GALK2: variants seen among roughly 807,000 people sequenced by gnomAD.
The protein encoded by GALK2 is N-acetylgalactosamine kinase.
GALK2 carries 36 observed loss-of-function variants against 52.4 expected under a neutral mutation model. That is an observed-to-expected ratio of 0.69 (90% confidence interval 0.53 to 0.91). GALK2 has a LOEUF of 0.91. GALK2 is among the 40% of genes least tolerant of loss of function. The pLI, the probability that GALK2 is intolerant of heterozygous loss-of-function variation, is 0.00. For missense variants in GALK2, 579 were observed against 559.1 expected (o/e 1.04, Z -0.36); for synonymous variants, 176 against 199.1 (o/e 0.88, Z 0.98).
At chr15:49,164,371 A>G (rs2084749910) in intron 1 of GALK2, among the ~76,000 whole-genome samples, 1 of 152,130 alleles carries the variant, frequency 6.6e-6, no homozygotes, top group African/African-American at 2.4e-5. Flanking sequence ...TGCTTAAGAT[A>G]ATAACCACAA....
chr15:49,158,409 G>T (rs2084530122), intron 1 of GALK2, among the ~76,000 whole-genome samples: 1 of 152,144 alleles, frequency 6.6e-6, no homozygotes, highest in Non-Finnish European at 1.5e-5. Flanking sequence ...TACAATAATT[G>T]TTTTAAGAAA....
intron 1 of GALK2, among the ~76,000 whole-genome samples, chr15:49,163,882 T>C (rs1416051856): frequency 6.6e-6 from 1 of 152,212 alleles, no homozygotes; most frequent in Admixed American, 6.5e-5. Context: ...GGCTGAGTCA[T>C]ACCAAACAGG....
chr15:49,255,554 A>G (rs1251811909), intron 5 of GALK2, among the ~76,000 whole-genome samples: 3 of 143,998 alleles, frequency 2.1e-5, no homozygotes, highest in Admixed American at 7.0e-5. Context: ...TTTTTGCCCC[A>G]AGAATACTGT....
intron 1 of GALK2, among the ~76,000 whole-genome samples, chr15:49,175,081 G>A (rs2085349406): frequency 6.6e-6 from 1 of 152,154 alleles, no homozygotes; most frequent in Admixed American, 6.5e-5. Context: ...TTTATGAGGG[G>A]AGCCAAGCAC....
intron 1 of GALK2, chr15:49,185,774 C>G (rs749183810): frequency 1.3e-5 from 2 of 152,142 alleles, no homozygotes; most frequent in African/African-American, 4.8e-5. Context: ...GTTTCTTCAG[C>G]GTTTCTTGTA....
At chr15:49,217,100 A>T in intron 2 of GALK2, 90 bp from the exon 3 acceptor site, 1 of 1,100,186 alleles carries the variant, frequency 9.1e-7, no homozygotes, top group South Asian at 1.6e-5. Flanking sequence ...AACCTGGCTC[A>T]TGGTCAGTTT....
intron 8 of GALK2, among the ~76,000 whole-genome samples, chr15:49,299,980 G>C (rs1227735104): frequency 6.6e-6 from 1 of 151,768 alleles, no homozygotes; most frequent in Non-Finnish European, 1.5e-5. Context: ...CAAGTGCTGA[G>C]TTTAAGTCCC....
intron 1 of GALK2, among the ~76,000 whole-genome samples, chr15:49,195,480 CATTA>C (rs1269329937): frequency 6.6e-6 from 1 of 152,162 alleles, no homozygotes; most frequent in Non-Finnish European, 1.5e-5. Context: ...TTGGTGCTAA[CATTA>C]ATTATATTTT....
intron 9 of GALK2, among the ~76,000 whole-genome samples, chr15:49,324,298 G>T (rs1046320005): frequency 1.3e-5 from 2 of 148,634 alleles, no homozygotes; most frequent in Admixed American, 1.4e-4. Context: ...TCAGCCTCTC[G>T]CATCCATTCT....
At chr15:49,176,840 T>A (rs2085498501) in intron 1 of GALK2, among the ~76,000 whole-genome samples, 2 of 152,184 alleles carry the variant, frequency 1.3e-5, no homozygotes, top group Non-Finnish European at 2.9e-5. Context: ...TAGACCAGCC[T>A]CCTAAAATGA....
At chr15:49,229,596 C>G in intron 3 of GALK2, among the ~76,000 whole-genome samples, 1 of 152,196 alleles carries the variant, frequency 6.6e-6, no homozygotes, top group South Asian at 2.1e-4. Flanking sequence ...TCTTAGTACC[C>G]TGGATTGTAT....
chr15:49,295,083 T>G (rs2034338920), intron 8 of GALK2, among the ~76,000 whole-genome samples: 1 of 151,954 alleles, frequency 6.6e-6, no homozygotes, highest in Non-Finnish European at 1.5e-5. Context: ...AACTGGTAGA[T>G]TCTCAAGACT....
chr15:49,257,953 A>G (rs941288813), intron 5 of GALK2, among the ~76,000 whole-genome samples: 7 of 149,648 alleles, frequency 4.7e-5, no homozygotes, highest in Admixed American at 3.3e-4. Flanking sequence ...TTTTAATTAT[A>G]ATTATAATAA....
At chr15:49,354,597 C>T (rs1019571227) in intron 3 of GALK2, among the ~76,000 whole-genome samples, 46 of 152,320 alleles carry the variant, frequency 3.0e-4, no homozygotes, top group East Asian at 9.7e-4. Flanking sequence ...AAGGGTCCTA[C>T]GCCCACGGAG....
intron 9 of GALK2, chr15:49,327,221 A>G (rs1490311860): frequency 1.3e-5 from 2 of 152,222 alleles, no homozygotes; most frequent in East Asian, 3.9e-4. Context: ...AATCAGATAT[A>G]TCTCATCTGA....
chr15:49,214,841 T>TA lies in GALK2; in HGVS notation c.143-2348dup, dbSNP rs544648834. ...GTGAGTTCTGTACCACCATGTGATA[T>TA]ATATTTTTTTACATTAATGTGCTTT... is the stretch of plus-strand genomic sequence containing the variant. On this transcript the variant is annotated intron_variant, in intron 2 of 9. Coordinates refer to ENST00000560031, the MANE Select transcript of GALK2 (RefSeq NM_002044.4). 7.6e-4 allele frequency among the ~76,000 whole-genome samples: 116 copies of TA among 152,324 alleles called. 2 individuals carry two copies. The highest frequency in any genetic ancestry group is 2.7e-3 in the Admixed American group (41 of 15,294).
chr15:49,366,227 C>A (rs2045157036), intron 3 of GALK2: 2 of 787,732 alleles, frequency 2.5e-6, no homozygotes, highest in East Asian at 4.8e-5. Context: ...AATGTTATTT[C>A]CTAGAGTCTG....
At chr15:49,170,677 C>A in intron 1 of GALK2, 1 of 327,760 alleles carries the variant, frequency 3.1e-6, no homozygotes, top group Non-Finnish European at 5.6e-6. Flanking sequence ...ATGCCCATAT[C>A]CACACTGAAC....
chr15:49,191,464 C>T (rs972937570), intron 1 of GALK2, among the ~76,000 whole-genome samples: 1 of 152,124 alleles, frequency 6.6e-6, no homozygotes, highest in African/African-American at 2.4e-5. Flanking sequence ...AAACAATGGC[C>T]TCCTATAATT....
Sources: allele counts gnomAD v4.1 joint callset (sites outside exome capture counted in the v4.1 genomes callset), GRCh38; gene constraint gnomAD v4.1.1; transcripts MANE v1.5; gene names NCBI Gene and HGNC (gene_info 2026-07-23, HGNC 2026-07-21).